ZFR2: variants seen among roughly 807,000 people sequenced by gnomAD.
ZFR2 encodes the protein zinc finger RNA binding protein 2.
ZFR2 carries 104 observed loss-of-function variants against 105.7 expected under a neutral mutation model. That is an observed-to-expected ratio of 0.98 (90% CI 0.84 to 1.16). The LOEUF is 1.16. Ranked by LOEUF, ZFR2 falls within the 50% of genes most tolerant of loss-of-function variation. ZFR2 has a pLI of 0.00. For synonymous variants in ZFR2, 634 were observed against 597.7 expected (o/e 1.06, Z -0.89); for missense variants, 1,425 against 1,355.5 (o/e 1.05, Z -0.80).
chr19:3,843,785 A>G (rs1412761182), intron 1 of ZFR2, among the ~76,000 whole-genome samples: 1 of 151,392 alleles, frequency 6.6e-6, no homozygotes, highest in African/African-American at 2.4e-5. Flanking sequence ...CAGTGAGCAG[A>G]GATCACACCA....
intron 5 of ZFR2, among the ~76,000 whole-genome samples, chr19:3,830,831 G>A (rs1023695497): frequency 3.3e-5 from 5 of 152,160 alleles, no homozygotes; most frequent in African/African-American, 9.7e-5. Flanking sequence ...TCTCAAGCTC[G>A]TGTGTTTGGT....
intron 12 of ZFR2, among the ~76,000 whole-genome samples, chr19:3,817,762 G>GAA (rs869069657): frequency 3.2e-5 from 2 of 61,828 alleles, no homozygotes; most frequent in Non-Finnish European, 7.0e-5. Flanking sequence ...TCTCAAAAAA[G>GAA]AAAAAAAAAA....
intron 14 of ZFR2, among the ~76,000 whole-genome samples, chr19:3,812,589 T>C (rs922586922): frequency 2.6e-5 from 4 of 151,954 alleles, no homozygotes; most frequent in African/African-American, 9.7e-5. Flanking sequence ...CCGCCAACCC[T>C]TAACCCGCCC....
rs1387605555 is a variant in ZFR2 at position 3,804,589 on chromosome 19, G to C, written c.*1360C>G. 2 of 152,340 alleles carry C rather than the reference G, an allele frequency of 1.3e-5. No homozygotes were observed. The highest frequency in any genetic ancestry group is 2.4e-5 in the African/African-American group (1 of 41,450). The allele number at this position is 152,340 out of a possible 1,614,324, so 9.4% of individuals were successfully genotyped here. On this transcript the variant is annotated 3_prime_UTR_variant, in exon 19 of 19. Coordinates refer to ENST00000262961, the MANE Select transcript of ZFR2 (RefSeq NM_015174.2). The stretch of plus-strand genomic sequence containing the variant: ...CCGGGTCTGACTGTCCAGCACAGCT[G>C]TTCCCGGGGGAGGCCCAGCCAGGAT...
At chr19:3,810,928 C>T (rs2037757008) in intron 15 of ZFR2, 83 bp from the exon 16 acceptor site, 11 of 1,440,934 alleles carry the variant, frequency 7.6e-6, no homozygotes, top group Non-Finnish European at 1.0e-5. Flanking sequence ...TGAGCGTGAA[C>T]CCCAGGGAGG....
chr19:3,837,715 A>G (rs34482272), intron 1 of ZFR2, among the ~76,000 whole-genome samples: 71,941 of 145,080 alleles, frequency 0.5, 18,046 homozygotes, highest in East Asian at 0.57. Flanking sequence ...CACCGTGACC[A>G]TGACACTTGA....
At position 3,808,919 on chromosome 19, in the gene ZFR2, G is replaced by A. The variant is rs868256846; in HGVS notation, c.2498C>T (p.Ala833Val). The part of the protein sequence containing the change: ...SAAGPLGPGD[A>V]VRRVLECVAT... ...CACGCACTCCAGGACTCGCCTGACT[G>A]CATCCCCGGGGCCCAGGGGCCCAGC... The change falls in exon 17 of 19, where the codon GCA (alanine) becomes GTA (valine). Residue 833 changes from alanine to valine, a missense_variant. Ala to Val is a moderately conservative substitution (Grantham distance 64, BLOSUM62 0). Coordinates refer to ENST00000262961, the MANE Select transcript of ZFR2 (RefSeq NM_015174.2). 4 of 1,570,814 alleles carry A rather than the reference G, an allele frequency of 2.5e-6. No individual in the cohort carries two copies. Among genetic ancestry groups the A allele is most frequent in the South Asian group, 2.3e-5 (2 of 85,656 alleles).
At chr19:3,852,320 G>T in intron 1 of ZFR2, 1 of 619,848 alleles carries the variant, frequency 1.6e-6, no homozygotes, top group Middle Eastern at 4.4e-4. Context: ...AATCCTGGTG[G>T]AGGTGGGCCT....
At chr19:3,826,023 A>AC (rs1267337977) in intron 6 of ZFR2, among the ~76,000 whole-genome samples, 1 of 151,122 alleles carries the variant, frequency 6.6e-6, no homozygotes, top group African/African-American at 2.4e-5. Context: ...CCTGCCCTGT[A>AC]CCCCCCAACC....
chr19:3,846,828 G>A (rs952003002), intron 1 of ZFR2, among the ~76,000 whole-genome samples: 4 of 152,188 alleles, frequency 2.6e-5, no homozygotes, highest in Admixed American at 2.0e-4. Flanking sequence ...CCTATTATCC[G>A]ATTGGTGGAC....
chr19:3,856,427 T>C (rs1282248372), intron 1 of ZFR2, among the ~76,000 whole-genome samples: 1 of 152,140 alleles, frequency 6.6e-6, no homozygotes, highest in Admixed American at 6.5e-5. Context: ...GTCCACACTG[T>C]AACATCCCCC....
chr19:3,821,618 T>G (rs1211037986), intron 9 of ZFR2, 139 bp from the exon 10 acceptor site: 2 of 902,466 alleles, frequency 2.2e-6, no homozygotes, highest in African/African-American at 1.8e-5. Context: ...TTTTTTTTTT[T>G]TTTTTTTTTT....
rs185403732 is a variant in ZFR2 at position 3,834,019 on chromosome 19, C to T, written c.265-241G>A. Among the ~76,000 whole-genome samples the T allele has an allele frequency of 3.7e-4, 56 of 152,214 alleles. No individual in the cohort carries two copies. The highest frequency in any genetic ancestry group is 3.0e-3 in the Admixed American group (46 of 15,290). The stretch of plus-strand genomic sequence containing the variant: ...GAGCCGACACTAATTTCCAAGAGTT[C>T]GACTGCAATTTACAAGAGGACGCTT... On this transcript the variant is annotated intron_variant, in intron 2 of 18. Coordinates refer to ENST00000262961, the MANE Select transcript of ZFR2 (RefSeq NM_015174.2). This position sits in a 1 kb window ranked among gnomAD's most constrained non-coding sequence, Gnocchi z 5.3.
At position 3,821,407 on chromosome 19, in the gene ZFR2, T is replaced by G. The variant is rs549423304; in HGVS notation, c.1564A>C (p.Met522Leu). The G allele has an allele frequency of 6.2e-7, 1 of 1,611,808 alleles. No homozygotes were observed. Among genetic ancestry groups the G allele is most frequent in the Non-Finnish European group, 8.5e-7 (1 of 1,179,368 alleles). Residue 522 changes from methionine (M) to leucine (L), a missense_variant, in exon 10 of 19, where the codon ATG becomes CTG. Met to Leu is a conservative substitution (Grantham distance 15). Coordinates refer to ENST00000262961, the MANE Select transcript of ZFR2 (RefSeq NM_015174.2). ...TCCGCCAGGTGCCGCTGCTTCCTCATGCGCTCCTCCAGGACCTTCCGAGCC... is the reference window on the plus strand; with the variant it reads ...TCCGCCAGGTGCCGCTGCTTCCTCAGGCGCTCCTCCAGGACCTTCCGAGCC... ...SRARKVLEER[M>L]RKQRHLAEER... is the part of the protein sequence containing the mutation.
chr19:3,851,151 G>C (rs552474086), intron 1 of ZFR2, among the ~76,000 whole-genome samples: 8 of 152,160 alleles, frequency 5.3e-5, no homozygotes, highest in Admixed American at 2.0e-4. Context: ...GAGACGGTTA[G>C]AGAGGGGAGC....
chr19:3,838,479 C>G lies in ZFR2; in HGVS notation c.54-3496G>C, dbSNP rs1369319078. ...CAGAGCAGAGCTGGCCTCAGCTGTA[C>G]AGCCCTTGCTGGAGACCACCCCAGC... is the stretch of plus-strand genomic sequence containing the variant. On this transcript the variant is annotated intron_variant, in intron 1 of 18. Coordinates refer to ENST00000262961, the MANE Select transcript of ZFR2 (RefSeq NM_015174.2). This position sits in a 1 kb window ranked among gnomAD's most constrained non-coding sequence, Gnocchi z 4.9. Among the ~76,000 whole-genome samples the G allele has an allele frequency of 6.6e-6, 1 of 152,190 alleles. No individual in the cohort carries two copies. Among genetic ancestry groups the G allele is most frequent in the Non-Finnish European group, 1.5e-5 (1 of 68,022 alleles).
Position 3,823,497 on chromosome 19 carries a change from G to T in ZFR2, c.1214-94C>A. 7.7e-7 allele frequency: 1 copy of T among 1,292,432 alleles called. No homozygotes were observed. The highest frequency in any genetic ancestry group is 1.1e-6 in the Non-Finnish European group (1 of 950,104). The allele number at this position is 1,292,432 out of a possible 1,614,324, so 80.1% of individuals were successfully genotyped here. On this transcript the variant is annotated intron_variant, in intron 7 of 18. Coordinates refer to ENST00000262961, the MANE Select transcript of ZFR2 (RefSeq NM_015174.2). This position sits in a 1 kb window ranked among gnomAD's most constrained non-coding sequence, Gnocchi z 5.4. ...GCGGCATGGGGTGGAGAGCCACCCA[G>T]ACTGCAGGCTGTGCCATCCCCCTCC... is the stretch of plus-strand genomic sequence containing the variant.
At chr19:3,853,482 A>G (rs2038263642) in intron 1 of ZFR2, among the ~76,000 whole-genome samples, 1 of 151,980 alleles carries the variant, frequency 6.6e-6, no homozygotes, top group Admixed American at 6.5e-5. Flanking sequence ...ATTTTGTATT[A>G]TATATATTTT....
Position 3,831,321 on chromosome 19 carries a change from G to C in ZFR2, c.834C>G (p.Ile278Met). 6.5e-7 allele frequency: 1 copy of C among 1,549,336 alleles called. No individual in the cohort carries two copies. The highest frequency in any genetic ancestry group is 8.7e-7 in the Non-Finnish European group (1 of 1,148,418). Residue 278 changes from isoleucine to methionine, a missense_variant, in exon 5 of 19, where the codon ATC (isoleucine) becomes ATG (methionine). Transcript: ENST00000262961. ...LQLHYCDICK[I>M]SCAGPQTYRE... ...GACTGACCTGGGGGCCAGCGCAGCT[G>C]ATCTTGCAGATGTCGCAGTAGTGAA...
Sources: gnomAD v4.1 joint callset for allele counts (sites outside exome capture counted in the v4.1 genomes callset) on GRCh38, gnomAD v4.1.1 for gene constraint, Gnocchi (gnomAD v3.1) non-coding constraint, MANE v1.5 for transcripts, NCBI Gene and HGNC (gene_info 2026-07-23, HGNC 2026-07-21) for gene names.